GBF1: variants seen among roughly 807,000 people sequenced by gnomAD.
The protein encoded by GBF1 is Golgi-specific brefeldin A-resistance guanine nucleotide exchange factor 1.
GBF1 carries 114 observed loss-of-function variants against 210.5 expected under a neutral mutation model. The ratio of observed to expected loss-of-function variants is 0.54; its 90% confidence interval spans 0.47 to 0.63. The LOEUF (loss-of-function observed/expected upper bound fraction) is 0.63. GBF1 is among the 30% of genes least tolerant of loss of function. The probability of loss-of-function intolerance (pLI) is 0.00; values close to 1 mark genes in which losing one functional copy is unlikely to be tolerated. For synonymous variants in GBF1, 850 were observed against 889.2 expected (o/e 0.96, Z 0.78); for missense variants, 1,851 against 2,357.7 (o/e 0.79, Z 4.45).
chr10:102,367,545 T>C lies in GBF1; in HGVS notation c.2627T>C (p.Met876Thr), dbSNP rs535041761. The C allele has an allele frequency of 1.6e-5, 25 of 1,584,464 alleles. No individual in the cohort carries two copies. The South Asian group carries it at 2.3e-4, about 15-fold the overall frequency. The change falls in exon 21 of 40, where the codon ATG becomes ACG. Residue 876 changes from methionine (M) to threonine (T), a missense_variant. By Grantham distance (81) the Met-to-Thr change is moderately conservative. Coordinates refer to ENST00000369983, the MANE Select transcript of GBF1 (RefSeq NM_001377137.1). ...TTTGAGCAAGACATCCTGGAGGACA[T>C]GTACCATGCCATCAAGTGAGTATAC... The part of the protein sequence containing the change: ...KDFEQDILED[M>T]YHAIKNEEIV...
intron 5 of GBF1, 100 bp downstream of exon 5, chr10:102,351,474 T>C: frequency 1.3e-6 from 1 of 775,582 alleles, no homozygotes. Flanking sequence ...TTGACTCCAC[T>C]GGGGCTTAGG....
In GBF1 at chr10:102,381,244, TGG is replaced by T; in HGVS notation, c.5295_5296del (p.Ala1766LeufsTer2). The T allele has an allele frequency of 6.2e-7, 1 of 1,613,682 alleles. No individual in the cohort carries two copies. Among genetic ancestry groups the T allele is most frequent in the Non-Finnish European group, 8.5e-7 (1 of 1,179,910 alleles). ...CCGCCCCCAGAGATTCCATCTGAGC[TGG>T]GGGCCTGTGGTGAGTCTCTCTAGCC... On this transcript the variant is annotated frameshift_variant, in exon 39 of 40. Transcript: ENST00000369983. LOFTEE classifies it high-confidence loss of function.
At chr10:102,231,227 CG>C in the GBF1 span, 2 of 975,734 alleles carry the variant, frequency 2.0e-6, no homozygotes, top group Non-Finnish European at 2.9e-6. Context: ...TGGCTAGAGA[CG>C]GGGTGGGAGG....
At chr10:102,362,756 C>T in intron 15 of GBF1, 92 bp downstream of exon 15, 1 of 906,230 alleles carries the variant, frequency 1.1e-6, no homozygotes, top group Non-Finnish European at 1.7e-6. Flanking sequence ...CATATCACTT[C>T]CCCTGGGATG....
At chr10:102,325,276 C>T (rs2056793228) in intron 3 of GBF1, among the ~76,000 whole-genome samples, 1 of 152,114 alleles carries the variant, frequency 6.6e-6, no homozygotes, top group Non-Finnish European at 1.5e-5. Flanking sequence ...GGGCTGGGCC[C>T]AGTGGCTCAC....
At chr10:102,355,927 G>T (rs148072410) in intron 8 of GBF1, among the ~76,000 whole-genome samples, 1 of 152,338 alleles carries the variant, frequency 6.6e-6, no homozygotes, top group Admixed American at 6.5e-5. Context: ...GAGCTCCAGT[G>T]GTTCCTGGGG....
chr10:102,327,549 G>A (rs534593055), intron 3 of GBF1, among the ~76,000 whole-genome samples: 146 of 152,230 alleles, frequency 9.6e-4, no homozygotes, highest in Non-Finnish European at 1.8e-3. Context: ...GACTTACAGA[G>A]GATTCTCTGG....
At chr10:102,291,171 C>CTTTG (rs79994004) in intron 3 of GBF1, among the ~76,000 whole-genome samples, 4,971 of 151,702 alleles carry the variant, frequency 0.033, 98 homozygotes, top group Middle Eastern at 0.061. Flanking sequence ...CTATTCACTG[C>CTTTG]TTTGTTTGTT....
intron 3 of GBF1, among the ~76,000 whole-genome samples, chr10:102,277,132 T>C (rs1391769180): frequency 6.6e-6 from 1 of 152,030 alleles, no homozygotes; most frequent in Non-Finnish European, 1.5e-5. Context: ...TTTGAGATTA[T>C]CCTGGGCAAC....
chr10:102,291,982 C>T (rs1379449282), intron 3 of GBF1, among the ~76,000 whole-genome samples: 1 of 150,256 alleles, frequency 6.7e-6, no homozygotes, highest in Non-Finnish European at 1.5e-5. Flanking sequence ...CTCCACCTCT[C>T]GGGTTCATGC....
At chr10:102,270,676 G>A (rs2074319884) in intron 3 of GBF1, among the ~76,000 whole-genome samples, 1 of 152,082 alleles carries the variant, frequency 6.6e-6, no homozygotes, top group African/African-American at 2.4e-5. Context: ...AAATAAGGAT[G>A]TTCTCCTACA....
upstream of GBF1, among the ~76,000 whole-genome samples, chr10:102,243,398 G>C (rs2133822333): frequency 6.6e-6 from 1 of 152,320 alleles, no homozygotes. Flanking sequence ...ATGTCACACT[G>C]AAATCTATGA....
the GBF1 span, among the ~76,000 whole-genome samples, chr10:102,232,379 A>G: frequency 2.0e-5 from 3 of 152,152 alleles, no homozygotes; most frequent in African/African-American, 7.2e-5. Context: ...TATTTATTGA[A>G]TTAATAAAAA....
chr10:102,345,238 C>T (rs1431489966), intron 4 of GBF1, among the ~76,000 whole-genome samples: 2 of 146,004 alleles, frequency 1.4e-5, no homozygotes, highest in African/African-American at 2.6e-5. Context: ...GCAGAGATCG[C>T]GCCACTGTAC....
intron 29 of GBF1, among the ~76,000 whole-genome samples, chr10:102,373,507 T>C (rs1160145973): frequency 2.0e-5 from 3 of 152,190 alleles, no homozygotes; most frequent in Non-Finnish European, 2.9e-5. Flanking sequence ...ACGCAGGAGG[T>C]TGCAGTGAGC....
At chr10:102,345,579 G>A (rs1174814342) in intron 4 of GBF1, among the ~76,000 whole-genome samples, 13 of 146,100 alleles carry the variant, frequency 8.9e-5, no homozygotes, top group African/African-American at 2.8e-4. Flanking sequence ...CCCGGGAGGC[G>A]GAAGTTACAG....
intron 3 of GBF1, among the ~76,000 whole-genome samples, chr10:102,328,833 T>G (rs2057108451): frequency 6.6e-6 from 1 of 152,212 alleles, no homozygotes; most frequent in African/African-American, 2.4e-5. Context: ...AGACCTGACA[T>G]AGTTATAATT....
upstream of GBF1, among the ~76,000 whole-genome samples, chr10:102,242,178 G>A (rs576649092): frequency 6.6e-6 from 1 of 152,164 alleles, no homozygotes; most frequent in Admixed American, 6.5e-5. Context: ...CTTCTCCAAG[G>A]AAGGTGACTT....
At chr10:102,355,684 C>T (rs933333451) in intron 8 of GBF1, among the ~76,000 whole-genome samples, 1 of 152,232 alleles carries the variant, frequency 6.6e-6, no homozygotes, top group Admixed American at 6.5e-5. Flanking sequence ...ATCTCAATGA[C>T]TGACTGGCTT....
Sources: gnomAD v4.1 joint callset for allele counts (sites outside exome capture counted in the v4.1 genomes callset) on GRCh38, gnomAD v4.1.1 for gene constraint, MANE v1.5 for transcripts, NCBI Gene and HGNC (gene_info 2026-07-23, HGNC 2026-07-21) for gene names.